SYNDIG1: variants seen among roughly 807,000 people sequenced by gnomAD.
SYNDIG1 encodes synapse differentiation-inducing gene protein 1.
A neutral mutation model predicts 19.4 loss-of-function variants in SYNDIG1; 9 were observed. The observed-to-expected ratio is 0.46, with a 90% CI of 0.28 to 0.81. The LOEUF is 0.81. Among genes scored for constraint, SYNDIG1 ranks in the 30% least tolerant of loss-of-function variants. SYNDIG1 has a pLI of 0.12. For missense variants in SYNDIG1, 311 were observed against 343.3 expected, an observed-to-expected ratio of 0.91 and a Z score of 0.74; for synonymous variants, 141 against 145.9, an observed-to-expected ratio of 0.97 and a Z score of 0.24.
intron 3 of SYNDIG1, among the ~76,000 whole-genome samples, chr20:24,628,580 T>C (rs955819256): frequency 6.6e-6 from 1 of 152,190 alleles, no homozygotes; most frequent in Non-Finnish European, 1.5e-5. Flanking sequence ...TGCATAATGA[T>C]ATACATTTGT....
intron 3 of SYNDIG1, among the ~76,000 whole-genome samples, chr20:24,656,023 A>G (rs769262108): frequency 2.6e-5 from 4 of 152,344 alleles, no homozygotes; most frequent in South Asian, 2.1e-4. Context: ...AAAGCAGGCA[A>G]ACAGAATCTG....
intron 3 of SYNDIG1, among the ~76,000 whole-genome samples, chr20:24,599,284 T>C (rs2058642566): frequency 6.6e-6 from 1 of 152,172 alleles, no homozygotes; most frequent in Non-Finnish European, 1.5e-5. Flanking sequence ...CACAATGAGA[T>C]ATCATCATCT....
intron 3 of SYNDIG1, 21 bp from the exon 4 acceptor site, chr20:24,665,325 T>G (rs2059637729): frequency 6.3e-7 from 1 of 1,582,862 alleles, no homozygotes. Context: ...ATGACTTCCT[T>G]TTTCTTCTCC....
chr20:24,494,027 G>C (rs6036822), intron 1 of SYNDIG1, among the ~76,000 whole-genome samples: 49,521 of 152,172 alleles, frequency 0.33, 8,554 homozygotes, highest in Middle Eastern at 0.49. Flanking sequence ...CTGGCAGCTC[G>C]GCTGGTTGCA....
chr20:24,657,847 G>T (rs1166114880), intron 3 of SYNDIG1, among the ~76,000 whole-genome samples: 1 of 124,564 alleles, frequency 8.0e-6, no homozygotes, highest in East Asian at 4.6e-4. Flanking sequence ...TTACAATAAT[G>T]CAAAGAAATG....
chr20:24,628,142 C>A (rs2059185066), intron 3 of SYNDIG1, among the ~76,000 whole-genome samples: 1 of 152,154 alleles, frequency 6.6e-6, no homozygotes, highest in Admixed American at 6.5e-5. Flanking sequence ...CATGCTCAGC[C>A]CCCTACTTCC....
Position 24,543,485 on chromosome 20 carries a change from G to A in SYNDIG1, c.388G>A (p.Asp130Asn). ...CACCAAAGACAGCCTCGAGTACCCG[G>A]ATGGGAAGTTCATTGACCTCTCAGC... ...SPTKDSLEYP[D>N]GKFIDLSADD... Residue 130 changes from aspartate to asparagine, a missense_variant, in exon 2 of 4, where the codon GAT (aspartate) becomes AAT (asparagine). Asp to Asn is a conservative substitution (Grantham distance 23). Transcript: ENST00000376862. 6.2e-7 allele frequency: 1 copy of A among 1,612,950 alleles called. No homozygotes were observed. The highest frequency in any genetic ancestry group is 8.5e-7 in the Non-Finnish European group (1 of 1,180,024).
chr20:24,600,610 T>TA (rs2058665368), intron 3 of SYNDIG1, among the ~76,000 whole-genome samples: 1 of 149,434 alleles, frequency 6.7e-6, no homozygotes, highest in Non-Finnish European at 1.5e-5. Context: ...TCTTTCTTTT[T>TA]TTTTTTTTTT....
At chr20:24,649,160 G>A (rs751578194) in intron 3 of SYNDIG1, among the ~76,000 whole-genome samples, 3 of 152,216 alleles carry the variant, frequency 2.0e-5, no homozygotes, top group Admixed American at 1.3e-4. Context: ...ATGCTTGTGT[G>A]AGATCAGGAG....
chr20:24,483,049 A>C (rs1240623748), intron 1 of SYNDIG1, among the ~76,000 whole-genome samples: 2 of 152,258 alleles, frequency 1.3e-5, no homozygotes, highest in South Asian at 2.1e-4. Flanking sequence ...ACACATATCT[A>C]TCCTTTGGAA....
intron 1 of SYNDIG1, among the ~76,000 whole-genome samples, chr20:24,487,456 T>A (rs1049215488): frequency 6.6e-6 from 1 of 152,082 alleles, no homozygotes; most frequent in African/African-American, 2.4e-5. Flanking sequence ...CCCGTGGCCA[T>A]GCTGAGTTAT....
At chr20:24,575,150 C>T (rs1033328402) in intron 2 of SYNDIG1, among the ~76,000 whole-genome samples, 1 of 152,188 alleles carries the variant, frequency 6.6e-6, no homozygotes, top group African/African-American at 2.4e-5. Flanking sequence ...CTTCCAGGAC[C>T]CCATCCCTGC....
intron 3 of SYNDIG1, among the ~76,000 whole-genome samples, chr20:24,642,399 C>T (rs1449616021): frequency 5.9e-5 from 9 of 152,156 alleles, no homozygotes; most frequent in Admixed American, 5.9e-4. Context: ...GTCACTCTTT[C>T]CCCCTTCCCA....
At chr20:24,523,946 CT>C (rs2057061167) in intron 1 of SYNDIG1, among the ~76,000 whole-genome samples, 2 of 152,222 alleles carry the variant, frequency 1.3e-5, no homozygotes. Context: ...CTATTCACTG[CT>C]TTCCCCTTAT....
chr20:24,573,397 G>T (rs951795930), intron 2 of SYNDIG1, among the ~76,000 whole-genome samples: 1 of 152,126 alleles, frequency 6.6e-6, no homozygotes, highest in Admixed American at 6.5e-5. Flanking sequence ...CCCCAGCTTT[G>T]CCTGTGCTGC....
chr20:24,588,350 T>A (rs1159027054), intron 3 of SYNDIG1, among the ~76,000 whole-genome samples: 1 of 152,226 alleles, frequency 6.6e-6, no homozygotes, highest in Non-Finnish European at 1.5e-5. Flanking sequence ...AATATGTTCA[T>A]GAAGTAGCAT....
intron 1 of SYNDIG1, among the ~76,000 whole-genome samples, 178 bp from the exon 2 acceptor site, chr20:24,542,842 C>T (rs1287314367): frequency 3.9e-5 from 6 of 152,198 alleles, no homozygotes; most frequent in South Asian, 2.1e-4. Context: ...TCTGGCTAGC[C>T]GCCCCCACAG....
chr20:24,524,855 G>C (rs1307371828), intron 1 of SYNDIG1, among the ~76,000 whole-genome samples: 1 of 152,150 alleles, frequency 6.6e-6, no homozygotes, highest in Non-Finnish European at 1.5e-5. Flanking sequence ...GCAGGGAAGA[G>C]ACTTGGCCTT....
intron 2 of SYNDIG1, among the ~76,000 whole-genome samples, chr20:24,581,464 C>T (rs1568659340): frequency 6.6e-6 from 1 of 152,214 alleles, no homozygotes; most frequent in South Asian, 2.1e-4. Context: ...CCCAGCCTGG[C>T]TCTGCTGCTT....
Sources: gnomAD v4.1 joint callset for allele counts (sites outside exome capture counted in the v4.1 genomes callset) on GRCh38, gnomAD v4.1.1 for gene constraint, MANE v1.5 for transcripts, NCBI Gene and HGNC (gene_info 2026-07-23, HGNC 2026-07-21) for gene names.